Variants in GRID2 observed in about 807,000 individuals in gnomAD.
GRID2 encodes the protein glutamate receptor ionotropic, delta-2.
A neutral mutation model predicts 114.8 loss-of-function variants in GRID2; 33 were observed. The observed-to-expected ratio is 0.29, with a 90% CI of 0.22 to 0.38. The LOEUF is 0.38. Ranked by LOEUF, GRID2 falls within the 10% of genes least tolerant of loss-of-function variation. GRID2 has a pLI of 1.00. For synonymous variants in GRID2, 505 were observed against 449.9 expected (o/e 1.12, Z -1.55); for missense variants, 1,184 against 1,257.7 (o/e 0.94, Z 0.89).
chr4:92,967,719 A>G lies in GRID2; in HGVS notation c.245-117276A>G, dbSNP rs111688080. Among the ~76,000 whole-genome samples, 5 of 152,028 alleles carry G rather than the reference A, an allele frequency of 3.3e-5. No homozygotes were observed. In the East Asian group the frequency reaches 7.8e-4, roughly 24 times the overall value. Reference sequence around the variant, plus strand: ...TGTCTTTCAATTTCTGGAGTTAATTATCTTTGTTGAGTTCAGGATTATGAA... The same window carrying G: ...TGTCTTTCAATTTCTGGAGTTAATTGTCTTTGTTGAGTTCAGGATTATGAA... On this transcript the variant is annotated intron_variant, in intron 2 of 15. Transcript: ENST00000282020.
chr4:93,300,098 A>C (rs1754709357), intron 8 of GRID2, among the ~76,000 whole-genome samples: 1 of 151,996 alleles, frequency 6.6e-6, no homozygotes, highest in Non-Finnish European at 1.5e-5. Flanking sequence ...TATTTGTATT[A>C]TATTTCTCTT....
chr4:92,916,756 A>G (rs909812956), intron 2 of GRID2, among the ~76,000 whole-genome samples: 3 of 152,110 alleles, frequency 2.0e-5, no homozygotes, highest in African/African-American at 4.8e-5. Context: ...AATCCAGTCT[A>G]TCATTGTTGG....
intron 4 of GRID2, among the ~76,000 whole-genome samples, chr4:93,194,464 C>T (rs1741287301): frequency 6.6e-6 from 1 of 151,940 alleles, no homozygotes. Flanking sequence ...TTTGTCTTTC[C>T]TTCTATGGAA....
chr4:93,065,170 A>T (rs1409621411), intron 2 of GRID2, among the ~76,000 whole-genome samples: 4 of 151,856 alleles, frequency 2.6e-5, no homozygotes, highest in Admixed American at 2.0e-4. Context: ...TGAGTAGAGA[A>T]AAAAACCCAA....
rs533068640 is a variant in GRID2, at chr4:92,304,451, G to A, written c.-206G>A. The A allele has an allele frequency of 5.0e-6, 3 of 598,520 alleles. No homozygotes were observed. Among genetic ancestry groups the A allele is most frequent in the Admixed American group, 3.0e-5 (1 of 33,144 alleles). The allele number at this position is 598,520 out of a possible 1,614,324, so 37.1% of individuals were successfully genotyped here. ...TCCCCTCCAAGTGACACGGCTTTGC[G>A]AAGGAGGTTTCCTCAGGCTGGGCTC... On this transcript the variant is annotated 5_prime_UTR_variant, in exon 1 of 16. Transcript: ENST00000282020.
intron 2 of GRID2, among the ~76,000 whole-genome samples, chr4:93,012,730 T>C (rs1251589164): frequency 6.6e-6 from 1 of 152,044 alleles, no homozygotes; most frequent in Non-Finnish European, 1.5e-5. Flanking sequence ...ACATAAGAAC[T>C]GAATGAAATT....
intron 13 of GRID2, among the ~76,000 whole-genome samples, chr4:93,614,771 G>A (rs1024155887): frequency 2.0e-5 from 3 of 152,088 alleles, no homozygotes; most frequent in Non-Finnish European, 4.4e-5. Flanking sequence ...TACATTTGTA[G>A]TGTGTATTTA....
chr4:93,596,612 G>C (rs975530295), intron 13 of GRID2, among the ~76,000 whole-genome samples: 3 of 152,116 alleles, frequency 2.0e-5, no homozygotes, highest in African/African-American at 2.4e-5. Context: ...GAAAAGAAAG[G>C]CTACTTGAGA....
intron 1 of GRID2, among the ~76,000 whole-genome samples, chr4:92,355,378 G>A (rs1294333054): frequency 2.6e-5 from 4 of 151,750 alleles, no homozygotes; most frequent in Non-Finnish European, 4.4e-5. Flanking sequence ...GTAAGCTAGA[G>A]TTATATTGTG....
At chr4:93,710,600 C>A (rs1174591545) in intron 14 of GRID2, among the ~76,000 whole-genome samples, 1 of 152,140 alleles carries the variant, frequency 6.6e-6, no homozygotes, top group East Asian at 1.9e-4. Context: ...AATGTTTATT[C>A]AAGGCCCAAG....
intron 8 of GRID2, among the ~76,000 whole-genome samples, chr4:93,351,865 T>C (rs1760836224): frequency 6.6e-6 from 1 of 152,124 alleles, no homozygotes; most frequent in African/African-American, 2.4e-5. Context: ...CATGACCCAG[T>C]GCTGCCTACC....
At chr4:92,315,322 A>T (rs1579165680) in intron 1 of GRID2, among the ~76,000 whole-genome samples, 1 of 152,196 alleles carries the variant, frequency 6.6e-6, no homozygotes, top group Non-Finnish European at 1.5e-5. Context: ...TGATATGTAA[A>T]TATGGAATAT....
intron 1 of GRID2, among the ~76,000 whole-genome samples, chr4:92,360,477 T>C (rs1047634041): frequency 6.6e-6 from 1 of 151,922 alleles, no homozygotes. Flanking sequence ...TGCCAGATTC[T>C]AGACATAGAA....
At chr4:92,815,510 A>C (rs1470396112) in intron 2 of GRID2, among the ~76,000 whole-genome samples, 1 of 152,128 alleles carries the variant, frequency 6.6e-6, no homozygotes, top group Non-Finnish European at 1.5e-5. Context: ...TATTAATTTA[A>C]ATAAAGGTAG....
intron 13 of GRID2, among the ~76,000 whole-genome samples, chr4:93,532,763 G>A (rs1207552057): frequency 6.6e-6 from 1 of 152,026 alleles, no homozygotes; most frequent in Non-Finnish European, 1.5e-5. Context: ...TTTCCTTTCT[G>A]CTTTAGGGAA....
At chr4:93,083,308 CTTATA>C (rs1038697215) in intron 2 of GRID2, among the ~76,000 whole-genome samples, 47 of 152,006 alleles carry the variant, frequency 3.1e-4, no homozygotes, top group African/African-American at 1.1e-3. Context: ...TAAGTATACA[CTTATA>C]TTATTTTCTA....
chr4:92,672,023 G>A (rs1733099267), intron 2 of GRID2, among the ~76,000 whole-genome samples: 3 of 152,070 alleles, frequency 2.0e-5, no homozygotes. Flanking sequence ...CCAACAGTTT[G>A]AAATACAGTG....
chr4:93,181,380 T>C (rs2149435838), intron 4 of GRID2, among the ~76,000 whole-genome samples: 1 of 152,264 alleles, frequency 6.6e-6, no homozygotes, highest in South Asian at 2.1e-4. Flanking sequence ...GCAGGTAGAA[T>C]ACATTTAGTA....
intron 3 of GRID2, among the ~76,000 whole-genome samples, chr4:93,097,220 G>C (rs1328537106): frequency 6.6e-6 from 1 of 151,462 alleles, no homozygotes; most frequent in East Asian, 1.9e-4. Context: ...AGTAACAGTG[G>C]AATACAATAA....
Sources: allele counts gnomAD v4.1 joint callset (sites outside exome capture counted in the v4.1 genomes callset), GRCh38; gene constraint gnomAD v4.1.1; transcripts MANE v1.5; gene names NCBI Gene and HGNC (gene_info 2026-07-23, HGNC 2026-07-21).